The following GRK5 variants were observed in gnomAD, a reference collection of about 807,000 sequenced individuals.
GRK5 encodes g protein-coupled receptor kinase GRK5.
GRK5 carries 40 observed loss-of-function variants against 78.4 expected under a neutral mutation model. The observed-to-expected ratio is 0.51, with a 90% CI of 0.40 to 0.66. The LOEUF is 0.66. Among genes scored for constraint, GRK5 ranks in the 30% least tolerant of loss-of-function variants. The probability of loss-of-function intolerance (pLI) is 0.00; values close to 1 mark genes in which losing one functional copy is unlikely to be tolerated. For missense variants in GRK5, 598 were observed against 759.9 expected (o/e 0.79, Z 2.50); for synonymous variants, 289 against 296.8 (o/e 0.97, Z 0.27).
chr10:119,405,266 G>T (rs1362568232), intron 4 of GRK5, among the ~76,000 whole-genome samples: 2 of 152,144 alleles, frequency 1.3e-5, no homozygotes, highest in Non-Finnish European at 2.9e-5. Context: ...TACTGGGAAG[G>T]CCGTTGTGCA....
intron 2 of GRK5, among the ~76,000 whole-genome samples, chr10:119,339,050 GTTCTT>G (rs936214756): frequency 6.6e-6 from 1 of 152,208 alleles, no homozygotes; most frequent in Non-Finnish European, 1.5e-5. Flanking sequence ...CCTCTGGAAT[GTTCTT>G]TTCATTTCCA....
At chr10:119,303,830 G>A (rs942718279) in intron 1 of GRK5, among the ~76,000 whole-genome samples, 1 of 151,922 alleles carries the variant, frequency 6.6e-6, no homozygotes, top group Non-Finnish European at 1.5e-5. Flanking sequence ...ATCCAGTGTG[G>A]CATGGAAGGT....
intron 4 of GRK5, among the ~76,000 whole-genome samples, chr10:119,409,035 C>A (rs1187764992): frequency 9.2e-5 from 14 of 152,182 alleles, no homozygotes. Flanking sequence ...AGCAGCAAGG[C>A]CGGGGAATGA....
intron 1 of GRK5, among the ~76,000 whole-genome samples, chr10:119,228,071 G>A (rs1848768682): frequency 6.6e-6 from 1 of 152,086 alleles, no homozygotes; most frequent in Non-Finnish European, 1.5e-5. Flanking sequence ...GTAAAGGATC[G>A]ATATAATAAA....
chr10:119,339,944 C>T (rs1365796518), intron 2 of GRK5, among the ~76,000 whole-genome samples: 4 of 152,098 alleles, frequency 2.6e-5, no homozygotes, highest in African/African-American at 7.2e-5. Context: ...CAAAATTACC[C>T]TCCAAAGAGC....
At chr10:119,249,907 G>GC (rs1168610363) in intron 1 of GRK5, among the ~76,000 whole-genome samples, 1 of 152,180 alleles carries the variant, frequency 6.6e-6, no homozygotes, top group Non-Finnish European at 1.5e-5. Flanking sequence ...CAGATACCTG[G>GC]CAGTGGGCTT....
At chr10:119,300,893 C>T (rs1850168650) in intron 1 of GRK5, among the ~76,000 whole-genome samples, 1 of 152,042 alleles carries the variant, frequency 6.6e-6, no homozygotes, top group Non-Finnish European at 1.5e-5. Context: ...AGTTTGAGAC[C>T]AGCCTGGCCA....
At chr10:119,400,985 G>T (rs1199381899) in intron 4 of GRK5, among the ~76,000 whole-genome samples, 1 of 152,218 alleles carries the variant, frequency 6.6e-6, no homozygotes, top group African/African-American at 2.4e-5. Context: ...AGAGGCAGGG[G>T]AATTCATTTT....
intron 3 of GRK5, among the ~76,000 whole-genome samples, chr10:119,392,007 G>T (rs766066541): frequency 6.6e-6 from 1 of 152,208 alleles, no homozygotes; most frequent in Non-Finnish European, 1.5e-5. Flanking sequence ...AGCCCAGACT[G>T]CCCTTTCTAA....
chr10:119,226,523 G>C (rs1354790279), intron 1 of GRK5, among the ~76,000 whole-genome samples: 1 of 149,852 alleles, frequency 6.7e-6, no homozygotes, highest in Non-Finnish European at 1.5e-5. Flanking sequence ...AGAGACCAAG[G>C]CTGGTAACTT....
intron 1 of GRK5, among the ~76,000 whole-genome samples, chr10:119,299,112 A>G (rs1850131499): frequency 6.6e-6 from 1 of 152,210 alleles, no homozygotes; most frequent in African/African-American, 2.4e-5. Flanking sequence ...ATAAATGAAT[A>G]TTGGAGTAGG....
At chr10:119,362,216 G>A (rs1190854303) in intron 2 of GRK5, among the ~76,000 whole-genome samples, 1 of 152,224 alleles carries the variant, frequency 6.6e-6, no homozygotes, top group Non-Finnish European at 1.5e-5. Flanking sequence ...GGTGTGCCTG[G>A]AGCATTAAGC....
intron 1 of GRK5, among the ~76,000 whole-genome samples, chr10:119,293,639 C>T (rs1466334053): frequency 1.3e-5 from 2 of 152,114 alleles, no homozygotes; most frequent in Non-Finnish European, 2.9e-5. Context: ...TTCCTCCTTC[C>T]GGATAGACCT....
intron 2 of GRK5, among the ~76,000 whole-genome samples, chr10:119,328,345 C>T: frequency 6.6e-6 from 1 of 152,084 alleles, no homozygotes; most frequent in East Asian, 1.9e-4. Context: ...CAGGGAGAAC[C>T]CCTCTGGTGA....
At chr10:119,389,973 G>A (rs1183491966) in intron 3 of GRK5, among the ~76,000 whole-genome samples, 4 of 152,232 alleles carry the variant, frequency 2.6e-5, no homozygotes, top group Non-Finnish European at 5.9e-5. Context: ...GGAGCTTACA[G>A]TTTTGTTGAA....
At chr10:119,439,583 C>A in intron 9 of GRK5, 148 bp from the exon 10 acceptor site, 1 of 664,158 alleles carries the variant, frequency 1.5e-6, no homozygotes, top group Non-Finnish European at 2.6e-6. Flanking sequence ...ATCATTTTGA[C>A]TCAAACCAGA....
At chr10:119,358,190 A>AGG (rs1851296499) in intron 2 of GRK5, among the ~76,000 whole-genome samples, 1 of 152,084 alleles carries the variant, frequency 6.6e-6, no homozygotes. Flanking sequence ...CAGGTAGGTG[A>AGG]GGGCAAGGGT....
At chr10:119,223,746 T>C (rs1315008902) in intron 1 of GRK5, among the ~76,000 whole-genome samples, 1 of 150,594 alleles carries the variant, frequency 6.6e-6, no homozygotes, top group Non-Finnish European at 1.5e-5. Context: ...TTAGATAGGC[T>C]TCTTGCCTCA....
intron 2 of GRK5, among the ~76,000 whole-genome samples, chr10:119,348,238 C>CA (rs1184741280): frequency 6.6e-6 from 1 of 152,218 alleles, no homozygotes. Context: ...AGTTTGATGT[C>CA]AAAAGCAAAG....
Sources: gnomAD v4.1 joint callset for allele counts (sites outside exome capture counted in the v4.1 genomes callset) on GRCh38, gnomAD v4.1.1 for gene constraint, MANE v1.5 for transcripts, NCBI Gene and HGNC (gene_info 2026-07-23, HGNC 2026-07-21) for gene names.